The following ABCC9 variants were observed in gnomAD, a reference collection of about 807,000 sequenced individuals.
The protein encoded by ABCC9 is ATP-binding cassette sub-family C member 9.
ABCC9 carries 95 observed loss-of-function variants against 188.3 expected under a neutral mutation model. The observed-to-expected ratio is 0.50, with a 90% CI of 0.43 to 0.60. The LOEUF is 0.60. Among genes scored for constraint, ABCC9 ranks in the 20% least tolerant of loss-of-function variants. The probability of loss-of-function intolerance (pLI) is 0.00; values close to 1 mark genes in which losing one functional copy is unlikely to be tolerated. For missense variants in ABCC9, 1,102 were observed against 1,876.3 expected (o/e 0.59, Z 7.62); for synonymous variants, 659 against 652.7 (o/e 1.01, Z -0.15).
At chr12:21,899,898 A>C in intron 12 of ABCC9, among the ~76,000 whole-genome samples, 1 of 152,208 alleles carries the variant, frequency 6.6e-6, no homozygotes, top group East Asian at 1.9e-4. Context: ...GGCATAGCCA[A>C]ACAAAAGGCA....
chr12:21,840,111 T>C (rs770576782), intron 29 of ABCC9, among the ~76,000 whole-genome samples: 7 of 152,204 alleles, frequency 4.6e-5, no homozygotes, highest in Non-Finnish European at 8.8e-5. Context: ...TCTTGTATTC[T>C]TGCAAGAAGG....
rs542419380 is a variant in ABCC9 at position 21,846,523 on chromosome 12, C to CATACT, written c.2867-696_2867-692dup. ...CATTAAAGTTACCCTGTATGTACTTCATACTATACTATATACATATCAGGT... is the reference window on the plus strand; with the variant it reads ...CATTAAAGTTACCCTGTATGTACTTCATACTATACTATACTATATACATATCAGGT... On this transcript the variant is annotated intron_variant, in intron 25 of 39. Transcript: ENST00000261200. Among the ~76,000 whole-genome samples, 1,264 of 152,260 alleles carry CATACT rather than the reference C, an allele frequency of 8.3e-3. 14 individuals carry two copies. Among genetic ancestry groups the CATACT allele is most frequent in the Non-Finnish European group, 0.013 (911 of 68,020 alleles).
At chr12:21,888,468 G>T (rs1426577472) in intron 14 of ABCC9, among the ~76,000 whole-genome samples, 1 of 152,026 alleles carries the variant, frequency 6.6e-6, no homozygotes, top group East Asian at 1.9e-4. Context: ...TCTGAACCTG[G>T]CAAGGAGAGG....
intron 9 of ABCC9, 97 bp downstream of exon 9, chr12:21,910,729 T>C: frequency 9.0e-7 from 1 of 1,106,932 alleles, no homozygotes; most frequent in Non-Finnish European, 1.3e-6. Context: ...AAAATGAAAA[T>C]GGAATGAAAA....
At chr12:21,883,602 C>T (rs1426026081) in intron 15 of ABCC9, among the ~76,000 whole-genome samples, 1 of 152,152 alleles carries the variant, frequency 6.6e-6, no homozygotes, top group Admixed American at 6.5e-5. Context: ...AAACATTCCA[C>T]CCGTACATTA....
At chr12:21,936,479 T>C in intron 3 of ABCC9, 54 bp downstream of exon 3, 1 of 1,484,172 alleles carries the variant, frequency 6.7e-7, no homozygotes. Flanking sequence ...ATCTCAGCCA[T>C]TAGCGAGATA....
chr12:21,806,141 A>G (rs1172484039), intron 38 of ABCC9, 81 bp from the exon 39 acceptor site: 1 of 1,238,694 alleles, frequency 8.1e-7, no homozygotes, highest in African/African-American at 1.5e-5. Context: ...TCAATATTCC[A>G]CTGAATCCCT....
At chr12:21,840,598 G>A (rs11046206) in intron 29 of ABCC9, among the ~76,000 whole-genome samples, 7,809 of 152,178 alleles carry the variant, frequency 0.051, 328 homozygotes, top group South Asian at 0.11. Flanking sequence ...GTGTTGAGAA[G>A]GCAAGGACAG....
At chr12:21,866,166 T>G (rs1453763680) in intron 18 of ABCC9, among the ~76,000 whole-genome samples, 3 of 151,874 alleles carry the variant, frequency 2.0e-5, no homozygotes, top group Admixed American at 6.6e-5. Flanking sequence ...ATGGCTGAAA[T>G]GTAGGTGTAA....
At chr12:21,837,565 T>C (rs147093258) in intron 30 of ABCC9, among the ~76,000 whole-genome samples, 5 of 152,350 alleles carry the variant, frequency 3.3e-5, no homozygotes, top group Admixed American at 3.3e-4. Context: ...ATCAAAAGTT[T>C]AGGTTATTAC....
chr12:21,799,776 CAA>C lies in ABCC9; in HGVS notation c.*1266_*1267del, dbSNP rs1408501468. The C allele has an allele frequency of 1.3e-5, 2 of 152,082 alleles. No homozygotes were observed. Among genetic ancestry groups the C allele is most frequent in the Non-Finnish European group, 2.9e-5 (2 of 68,006 alleles). The allele number at this position is 152,082 out of a possible 1,614,324, so 9.4% of individuals were successfully genotyped here. A position where few individuals can be genotyped will look rare whatever the true frequency, so the allele number is the denominator to read the frequency against. Reference sequence around the variant, plus strand: ...GTGGATCTTCATATGAAAAAGAAATCAATGATATTGACACTGGATGGGCACAG... The same window carrying C: ...GTGGATCTTCATATGAAAAAGAAATCTGATATTGACACTGGATGGGCACAG... On this transcript the variant is annotated 3_prime_UTR_variant, in exon 40 of 40. Coordinates refer to ENST00000261200, the MANE Select transcript of ABCC9 (RefSeq NM_020297.4).
chr12:21,937,205 C>A (rs1246114577), intron 2 of ABCC9, among the ~76,000 whole-genome samples: 1 of 152,090 alleles, frequency 6.6e-6, no homozygotes, highest in South Asian at 2.1e-4. Context: ...AGTGTGCCTG[C>A]AGTAATGGCT....
intron 22 of ABCC9, among the ~76,000 whole-genome samples, chr12:21,856,851 A>G (rs903076388): frequency 6.6e-6 from 1 of 152,188 alleles, no homozygotes; most frequent in Non-Finnish European, 1.5e-5. Flanking sequence ...AGAAAATACC[A>G]GAGAATCTTT....
chr12:21,842,269 C>T, intron 29 of ABCC9, 45 bp downstream of exon 29: 1 of 1,595,264 alleles, frequency 6.3e-7, no homozygotes, highest in South Asian at 1.1e-5. Context: ...AGAGGGCTGA[C>T]TGTAGATAAG....
intron 23 of ABCC9, 58 bp from the exon 24 acceptor site, chr12:21,852,280 C>T: frequency 6.2e-7 from 1 of 1,613,286 alleles, no homozygotes; most frequent in Non-Finnish European, 8.5e-7. Flanking sequence ...GCAAAATGAA[C>T]TACCTTTATT....
intron 12 of ABCC9, among the ~76,000 whole-genome samples, chr12:21,900,678 G>C (rs548643704): frequency 9.8e-5 from 15 of 152,322 alleles, no homozygotes; most frequent in African/African-American, 3.6e-4. Context: ...AGCTTCAGTA[G>C]CTGATTTGAT....
intron 2 of ABCC9, among the ~76,000 whole-genome samples, chr12:21,938,857 A>G (rs1210732231): frequency 6.6e-6 from 1 of 152,196 alleles, no homozygotes; most frequent in African/African-American, 2.4e-5. Context: ...TGGAAAAAAA[A>G]TCTCAGAGAA....
chr12:21,842,301 C>G lies in ABCC9; in HGVS notation c.3473+13G>C, dbSNP rs1944431417. The G allele has an allele frequency of 6.2e-7, 1 of 1,612,336 alleles. No homozygotes were observed. The highest frequency in any genetic ancestry group is 8.5e-7 in the Non-Finnish European group (1 of 1,178,940). ...TAAGCTTTTGAAAATGAGTGGGATG[C>G]TGTTTTACTTACTTAGAGGCAACCC... On this transcript the variant is annotated intron_variant, in intron 29 of 39. Coordinates refer to ENST00000261200, the MANE Select transcript of ABCC9 (RefSeq NM_020297.4).
chr12:21,863,419 C>A (rs1266193997), intron 19 of ABCC9, among the ~76,000 whole-genome samples: 1 of 151,898 alleles, frequency 6.6e-6, no homozygotes, highest in Non-Finnish European at 1.5e-5. Flanking sequence ...ACTAATAGCA[C>A]TTTATTAACT....
Sources: allele counts gnomAD v4.1 joint callset (sites outside exome capture counted in the v4.1 genomes callset), GRCh38; gene constraint gnomAD v4.1.1; transcripts MANE v1.5; gene names NCBI Gene and HGNC (gene_info 2026-07-23, HGNC 2026-07-21).